The following BRINP2 variants were observed in gnomAD, a reference collection of about 807,000 sequenced individuals.
BRINP2 encodes BMP/retinoic acid-inducible neural-specific protein 2.
In BRINP2, 21 loss-of-function variants were observed where a neutral mutation model predicts 69.2. The observed-to-expected ratio is 0.30, with a 90% CI of 0.22 to 0.44. BRINP2 has a LOEUF of 0.44. Among genes scored for constraint, BRINP2 ranks in the 20% least tolerant of loss-of-function variants. The probability of loss-of-function intolerance (pLI) is 1.00; values close to 1 mark genes in which losing one functional copy is unlikely to be tolerated. For missense variants in BRINP2, 877 were observed against 986.0 expected, an observed-to-expected ratio of 0.89 and a Z score of 1.48; for synonymous variants, 380 against 394.1, an observed-to-expected ratio of 0.96 and a Z score of 0.42.
At chr1:177,217,911 C>T (rs932235883) in intron 1 of BRINP2, among the ~76,000 whole-genome samples, 1 of 152,128 alleles carries the variant, frequency 6.6e-6, no homozygotes, top group African/African-American at 2.4e-5. Context: ...AATTCCCTGG[C>T]CAGGTACTGC....
chr1:177,178,401 C>A (rs183079045), intron 1 of BRINP2, among the ~76,000 whole-genome samples: 71 of 152,230 alleles, frequency 4.7e-4, no homozygotes, highest in African/African-American at 1.7e-3. Flanking sequence ...TCCTACATCC[C>A]GCTTCTCACA....
At chr1:177,237,830 C>T (rs1349512404) in intron 2 of BRINP2, among the ~76,000 whole-genome samples, 3 of 152,140 alleles carry the variant, frequency 2.0e-5, no homozygotes, top group East Asian at 1.9e-4. Context: ...GAAACTGTCA[C>T]GACACAGGTG....
intron 1 of BRINP2, among the ~76,000 whole-genome samples, chr1:177,221,106 A>G (rs1001210592): frequency 6.6e-6 from 1 of 152,232 alleles, no homozygotes; most frequent in Non-Finnish European, 1.5e-5. Context: ...TCAAGTCTGT[A>G]GCTGTTAGAT....
chr1:177,255,871 G>T (rs753825221), intron 2 of BRINP2, 48 bp from the exon 3 acceptor site: 1 of 1,578,940 alleles, frequency 6.3e-7, no homozygotes, highest in South Asian at 1.1e-5. Context: ...TATGCCTCTT[G>T]CTCTGAAACG....
intron 6 of BRINP2, among the ~76,000 whole-genome samples, chr1:177,277,180 CTT>C (rs1388267803): frequency 1.3e-5 from 2 of 148,416 alleles, no homozygotes; most frequent in Non-Finnish European, 2.9e-5. Flanking sequence ...TATATAATGT[CTT>C]CATATAATAC....
intron 1 of BRINP2, among the ~76,000 whole-genome samples, chr1:177,229,304 T>C (rs1421818197): frequency 6.6e-6 from 1 of 152,228 alleles, no homozygotes; most frequent in African/African-American, 2.4e-5. Context: ...TCAGTACTTT[T>C]CTACCTCACA....
intron 1 of BRINP2, among the ~76,000 whole-genome samples, chr1:177,204,304 G>A (rs886278695): frequency 3.9e-5 from 6 of 152,100 alleles, no homozygotes; most frequent in African/African-American, 1.4e-4. Flanking sequence ...CTAGGGTGGA[G>A]GTGTGAATCT....
At chr1:177,243,227 C>T (rs1194281752) in intron 2 of BRINP2, among the ~76,000 whole-genome samples, 1 of 152,138 alleles carries the variant, frequency 6.6e-6, no homozygotes, top group Non-Finnish European at 1.5e-5. Context: ...CTCTACCAGA[C>T]TCGTTTTATG....
intron 1 of BRINP2, among the ~76,000 whole-genome samples, chr1:177,175,443 T>G (rs980851961): frequency 1.4e-4 from 22 of 152,206 alleles, no homozygotes; most frequent in African/African-American, 4.3e-4. Context: ...CTACACACAT[T>G]TGCTCCCACA....
intron 6 of BRINP2, 139 bp from the exon 7 acceptor site, chr1:177,278,424 G>C (rs1430849403): frequency 4.0e-6 from 3 of 744,952 alleles, no homozygotes; most frequent in East Asian, 2.5e-5. Flanking sequence ...TTTTAAAAAA[G>C]CACCCAGGGA....
chr1:177,276,879 G>A (rs1651514651), intron 6 of BRINP2, among the ~76,000 whole-genome samples: 1 of 152,186 alleles, frequency 6.6e-6, no homozygotes, highest in Non-Finnish European at 1.5e-5. Flanking sequence ...TTGAGACCTA[G>A]ATTCAAGAGA....
intron 2 of BRINP2, among the ~76,000 whole-genome samples, chr1:177,233,364 G>A (rs529950826): frequency 2.2e-4 from 34 of 152,266 alleles, no homozygotes; most frequent in African/African-American, 7.7e-4. Flanking sequence ...TTTGTAAAGT[G>A]GGGACAGTAA....
At chr1:177,186,458 C>CAT (rs1282974170) in intron 1 of BRINP2, among the ~76,000 whole-genome samples, 3 of 152,030 alleles carry the variant, frequency 2.0e-5, no homozygotes, top group Non-Finnish European at 2.9e-5. Context: ...CGTTGTAAGC[C>CAT]ATATATATAC....
intron 1 of BRINP2, among the ~76,000 whole-genome samples, chr1:177,213,898 C>T (rs1011715509): frequency 6.6e-6 from 1 of 152,088 alleles, no homozygotes; most frequent in Admixed American, 6.5e-5. Flanking sequence ...ATTTTTTTAA[C>T]TTTCTTAAAA....
At chr1:177,199,856 T>C (rs1648850801) in intron 1 of BRINP2, among the ~76,000 whole-genome samples, 1 of 152,210 alleles carries the variant, frequency 6.6e-6, no homozygotes, top group Non-Finnish European at 1.5e-5. Flanking sequence ...CATGGCTCTA[T>C]GTGCAAAATA....
intron 2 of BRINP2, among the ~76,000 whole-genome samples, chr1:177,244,687 G>T (rs776917450): frequency 1.3e-5 from 2 of 151,930 alleles, no homozygotes; most frequent in Admixed American, 6.6e-5. Context: ...GTGCAGGTTC[G>T]CCGGGTTAGC....
At position 177,196,605 on chromosome 1, in the gene BRINP2, T is replaced by C. The variant is rs551940578; in HGVS notation, c.-77+24873T>C. Among the ~76,000 whole-genome samples, 238 of 150,712 alleles carry C rather than the reference T, an allele frequency of 1.6e-3. 4 individuals carry two copies. The highest frequency in any genetic ancestry group is 2.0e-3 in the Admixed American group (30 of 15,132). On this transcript the variant is annotated intron_variant, in intron 1 of 7. Transcript: ENST00000361539. Reference sequence around the variant, plus strand: ...TGCACTCCAGCCTGGGCAACAAGAATGAAACTCCATCTCAAAAAAAAAAAA... The same window carrying C: ...TGCACTCCAGCCTGGGCAACAAGAACGAAACTCCATCTCAAAAAAAAAAAA...
chr1:177,279,752 G>A (rs78950748), intron 7 of BRINP2, among the ~76,000 whole-genome samples: 3 of 152,204 alleles, frequency 2.0e-5, no homozygotes, highest in East Asian at 3.8e-4. Context: ...TTCTTTCATG[G>A]TATTTACTAA....
At chr1:177,244,879 A>G (rs1473908694) in intron 2 of BRINP2, among the ~76,000 whole-genome samples, 1 of 152,146 alleles carries the variant, frequency 6.6e-6, no homozygotes, top group Non-Finnish European at 1.5e-5. Flanking sequence ...CTTGGCCCCA[A>G]ATCAGCACAC....
Sources: gnomAD v4.1 joint callset for allele counts (sites outside exome capture counted in the v4.1 genomes callset) on GRCh38, gnomAD v4.1.1 for gene constraint, MANE v1.5 for transcripts, NCBI Gene and HGNC (gene_info 2026-07-23, HGNC 2026-07-21) for gene names.